ASTN2: variants seen among roughly 807,000 people sequenced by gnomAD.
The protein encoded by ASTN2 is astrotactin-2.
In ASTN2, 54 loss-of-function variants were observed where a neutral mutation model predicts 139.8. The observed-to-expected ratio is 0.39, with a 90% confidence interval of 0.31 to 0.48. ASTN2 has a LOEUF of 0.48. Ranked by LOEUF, ASTN2 falls within the 20% of genes least tolerant of loss-of-function variation. The pLI, the probability that ASTN2 is intolerant of heterozygous loss-of-function variation, is 0.95. For synonymous variants in ASTN2, 756 were observed against 719.5 expected (o/e 1.05, Z -0.81); for missense variants, 1,565 against 1,725.1 (o/e 0.91, Z 1.64).
chr9:116,843,960 A>G (rs1832349995), intron 11 of ASTN2, among the ~76,000 whole-genome samples: 1 of 152,206 alleles, frequency 6.6e-6, no homozygotes, highest in Non-Finnish European at 1.5e-5. Context: ...AAAACTCTGT[A>G]AATTATTTCT....
At chr9:116,993,982 T>C (rs1467891249) in intron 7 of ASTN2, among the ~76,000 whole-genome samples, 2 of 151,688 alleles carry the variant, frequency 1.3e-5, no homozygotes, top group Non-Finnish European at 2.9e-5. Flanking sequence ...TTTGTTTTCT[T>C]TCTTCTGTCA....
chr9:117,322,742 G>T (rs1174797076), intron 1 of ASTN2, among the ~76,000 whole-genome samples: 1 of 152,124 alleles, frequency 6.6e-6, no homozygotes, highest in Non-Finnish European at 1.5e-5. Flanking sequence ...TGGCAGGCAG[G>T]TTGGTATGAG....
At chr9:117,400,428 G>T (rs554783477) in intron 1 of ASTN2, among the ~76,000 whole-genome samples, 2 of 152,266 alleles carry the variant, frequency 1.3e-5, no homozygotes, top group East Asian at 3.9e-4. Flanking sequence ...AGGCTTCTGT[G>T]GTTTGGAGAG....
At chr9:116,793,557 C>A (rs1830611242) in intron 13 of ASTN2, among the ~76,000 whole-genome samples, 1 of 152,132 alleles carries the variant, frequency 6.6e-6, no homozygotes. Flanking sequence ...ATATTTAGAT[C>A]ATATGATCCC....
At chr9:117,098,514 T>A (rs920389185) in intron 4 of ASTN2, among the ~76,000 whole-genome samples, 4 of 152,130 alleles carry the variant, frequency 2.6e-5, no homozygotes, top group Non-Finnish European at 5.9e-5. Flanking sequence ...CAACATTTGA[T>A]CTTTGTCCCA....
intron 2 of ASTN2, among the ~76,000 whole-genome samples, chr9:117,261,477 A>G (rs1833821118): frequency 6.6e-6 from 1 of 152,194 alleles, no homozygotes; most frequent in African/African-American, 2.4e-5. Flanking sequence ...CTATGCTTGA[A>G]TTCACCAGGT....
rs1395910688 is a variant in ASTN2, at chr9:116,805,653, T to G, written c.2375A>C (p.Gln792Pro). Reference protein sequence around the residue: ...NNRTQHVNQGQVFQMTFRENN... With the variant: ...NNRTQHVNQGPVFQMTFRENN... ...ATACCTAAAGGTCATCTGGAAGACT[T>G]GGCCTTGGTTCACATGCTGGGTCCG... The change falls in exon 13 of 23, where the codon CAA becomes CCA. Residue 792 changes from glutamine to proline, a missense_variant. This residue lies in a region of ASTN2 where 503 missense variants were observed against 591.7 expected (regional missense o/e 0.85). Coordinates refer to ENST00000313400, the MANE Select transcript of ASTN2 (RefSeq NM_001365068.1). 1.9e-6 allele frequency: 3 copies of G among 1,613,858 alleles called. No individual in the cohort carries two copies. The highest frequency in any genetic ancestry group is 2.2e-5 in the East Asian group (1 of 44,876).
intron 13 of ASTN2, among the ~76,000 whole-genome samples, chr9:116,764,865 T>TA (rs1333313320): frequency 6.6e-6 from 1 of 152,154 alleles, no homozygotes; most frequent in Non-Finnish European, 1.5e-5. Flanking sequence ...GTATAAATTT[T>TA]AAAAAATAAT....
At chr9:116,939,910 A>G (rs1588427439) in intron 10 of ASTN2, among the ~76,000 whole-genome samples, 1 of 152,330 alleles carries the variant, frequency 6.6e-6, no homozygotes, top group East Asian at 1.9e-4. Context: ...CCTCTGGCCT[A>G]GTAACATTGT....
intron 3 of ASTN2, among the ~76,000 whole-genome samples, chr9:117,206,584 C>T (rs370658344): frequency 8.5e-5 from 13 of 152,176 alleles, no homozygotes; most frequent in African/African-American, 2.9e-4. Context: ...AGCAATGGGG[C>T]TCCATCTTCA....
intron 12 of ASTN2, among the ~76,000 whole-genome samples, chr9:116,815,803 T>TCAAAAAAAAAAAA (rs1831303650): frequency 3.6e-4 from 1 of 2,774 alleles, no homozygotes; most frequent in Non-Finnish European, 6.5e-4. Flanking sequence ...AGACTCCGTC[T>TCAAAAAAAAAAAA]CAAAAAAAAA....
intron 10 of ASTN2, among the ~76,000 whole-genome samples, chr9:116,939,829 T>C (rs567675863): frequency 7.2e-5 from 11 of 152,264 alleles, no homozygotes; most frequent in Non-Finnish European, 1.0e-4. Context: ...GGCTGCATGA[T>C]GACGTTTCCG....
chr9:116,825,806 C>T (rs1244998064), intron 11 of ASTN2, among the ~76,000 whole-genome samples: 1 of 152,190 alleles, frequency 6.6e-6, no homozygotes, highest in Non-Finnish European at 1.5e-5. Context: ...AAAACCATTG[C>T]CACAGAATGA....
intron 19 of ASTN2, among the ~76,000 whole-genome samples, chr9:116,512,609 G>T (rs1440823928): frequency 1.3e-5 from 2 of 152,136 alleles, no homozygotes; most frequent in Non-Finnish European, 1.5e-5. Context: ...GGGTGTTAAA[G>T]TCTCTCACTA....
chr9:117,182,338 C>CAT (rs1386855980), intron 3 of ASTN2, among the ~76,000 whole-genome samples: 1 of 151,208 alleles, frequency 6.6e-6, no homozygotes, highest in African/African-American at 2.4e-5. Flanking sequence ...CACACACACA[C>CAT]ACACACAAAC....
At chr9:116,802,356 G>A (rs1456473633) in intron 13 of ASTN2, among the ~76,000 whole-genome samples, 1 of 152,116 alleles carries the variant, frequency 6.6e-6, no homozygotes, top group Non-Finnish European at 1.5e-5. Context: ...AAAGTGCTGG[G>A]ATGACAGGCA....
intron 19 of ASTN2, among the ~76,000 whole-genome samples, chr9:116,564,722 A>G (rs774789814): frequency 6.6e-6 from 1 of 151,926 alleles, no homozygotes; most frequent in African/African-American, 2.4e-5. Flanking sequence ...TCTTTCCTTC[A>G]TTACTTCATT....
chr9:117,397,339 G>A lies in ASTN2; in HGVS notation c.442+17158C>T, dbSNP rs181248494. 4.6e-5 allele frequency among the ~76,000 whole-genome samples: 7 copies of A among 152,164 alleles called. No homozygotes were observed. In the East Asian group the frequency reaches 1.4e-3, roughly 29 times the overall value. ...GAACATCCAAGAAAGTGGTTTCTAG[G>A]AGGACTAAGTTGATTATACTATTTA... On this transcript the variant is annotated intron_variant, in intron 1 of 22. Transcript: ENST00000313400.
intron 16 of ASTN2, among the ~76,000 whole-genome samples, chr9:116,689,761 T>C (rs1230235448): frequency 6.6e-6 from 1 of 152,162 alleles, no homozygotes; most frequent in African/African-American, 2.4e-5. Context: ...CCCTGGACTT[T>C]GTTCTTGGTT....
Sources: gnomAD v4.1 joint callset for allele counts (sites outside exome capture counted in the v4.1 genomes callset) on GRCh38, gnomAD v4.1.1 for gene constraint, gnomAD v4.1.1 regional missense constraint, MANE v1.5 for transcripts, NCBI Gene and HGNC (gene_info 2026-07-23, HGNC 2026-07-21) for gene names.